DMD: variants seen among roughly 807,000 people sequenced by gnomAD.
DMD encodes the protein dystrophin, also known as mutant dystrophin.
DMD carries 63 observed loss-of-function variants against 330.1 expected under a neutral mutation model. The observed-to-expected ratio is 0.19, with a 90% CI of 0.16 to 0.24. The LOEUF is 0.24. DMD is among the 10% of genes least tolerant of loss of function. The pLI is 1.00. For synonymous variants in DMD, 1,223 were observed against 959.8 expected, an observed-to-expected ratio of 1.27 and a Z score of -5.07; for missense variants, 3,344 against 2,684.1, an observed-to-expected ratio of 1.25 and a Z score of -5.43.
chrX:33,121,088 G>T (rs2095421779), intron 1 of DMD, among the ~76,000 whole-genome samples: 1 of 109,724 alleles, frequency 9.1e-6, no homozygotes, highest in Non-Finnish European at 1.9e-5. Context: ...TTTTATGTTG[G>T]TTAATAAGAT....
intron 4 of DMD, among the ~76,000 whole-genome samples, chrX:32,826,516 C>T (rs1488114249): frequency 9.0e-6 from 1 of 111,372 alleles, no homozygotes; most frequent in Non-Finnish European, 1.9e-5. Flanking sequence ...ACTACTCGGA[C>T]TTAAAAAGCA....
chrX:33,335,985 T>C (rs752704606), intron 1 of DMD, among the ~76,000 whole-genome samples: 8 of 111,326 alleles, frequency 7.2e-5, no homozygotes, highest in Non-Finnish European at 1.3e-4. Context: ...TCAGATAACA[T>C]TGGAGAATCA....
intron 7 of DMD, among the ~76,000 whole-genome samples, chrX:32,783,225 T>A (rs2075008762): frequency 1.0e-5 from 1 of 98,375 alleles, no homozygotes. Flanking sequence ...TATATACGTG[T>A]ATACGTATAT....
intron 15 of DMD, among the ~76,000 whole-genome samples, chrX:32,569,088 T>A (rs975171822): frequency 9.0e-6 from 1 of 111,581 alleles, no homozygotes; most frequent in African/African-American, 3.3e-5. Context: ...TAAACAGACT[T>A]TATTTTTATA....
intron 54 of DMD, among the ~76,000 whole-genome samples, chrX:31,640,341 C>A (rs1352124302): frequency 1.8e-5 from 2 of 112,316 alleles, no homozygotes; most frequent in East Asian, 2.8e-4. Flanking sequence ...CTGGAAGGAG[C>A]AAATCAGCTT....
At chrX:31,631,940 T>C (rs1157597867) in intron 54 of DMD, among the ~76,000 whole-genome samples, 1 of 111,297 alleles carries the variant, frequency 9.0e-6, no homozygotes, top group African/African-American at 3.3e-5. Context: ...GGGCGGAGTG[T>C]TGGAGCTATA....
intron 43 of DMD, among the ~76,000 whole-genome samples, chrX:32,229,594 T>C (rs7064623): frequency 0.086 from 8,467 of 98,483 alleles, 899 homozygotes; most frequent in African/African-American, 0.27. Context: ...TTGATTCTTT[T>C]TTGTAACCAC....
At chrX:32,560,367 A>C (rs192725359) in intron 16 of DMD, among the ~76,000 whole-genome samples, 21 of 111,404 alleles carry the variant, frequency 1.9e-4, no homozygotes, top group Admixed American at 1.2e-3. Context: ...GATTTCAGTC[A>C]AATGAGGAAA....
Position 31,694,643 on chromosome X carries a change from TATATATAC to T in DMD, c.7661-15065_7661-15058del, listed in dbSNP as rs1304452350. ...ATATATATATATATATATATATATA[TATATATAC>T]ACACACATATATGTATAATACTCAA... On this transcript the variant is annotated intron_variant, in intron 52 of 78. Coordinates refer to ENST00000357033, the MANE Select transcript of DMD (RefSeq NM_004006.3). Among the ~76,000 whole-genome samples the T allele has an allele frequency of 4.9e-3, 450 of 91,548 alleles. 6 individuals are homozygous for T. Among genetic ancestry groups the T allele is most frequent in the South Asian group, 0.014 (27 of 1,989 alleles). The allele number at this position is 91,548 out of a possible 115,157, so 79.5% of individuals were successfully genotyped here.
chrX:31,756,214 G>A (rs1055008560), intron 51 of DMD, among the ~76,000 whole-genome samples: 1 of 111,466 alleles, frequency 9.0e-6, no homozygotes, highest in African/African-American at 3.3e-5. Flanking sequence ...TTGGCTCTTC[G>A]ACAAGTTCTC....
At chrX:32,054,086 T>TGAGA (rs1198596173) in intron 44 of DMD, among the ~76,000 whole-genome samples, 20 of 79,007 alleles carry the variant, frequency 2.5e-4, no homozygotes, top group African/African-American at 7.9e-4. Context: ...TGTGTGTGTG[T>TGAGA]GTGAGAGAGA....
intron 12 of DMD, among the ~76,000 whole-genome samples, chrX:32,612,236 T>C (rs925367658): frequency 1.8e-5 from 2 of 111,040 alleles, no homozygotes; most frequent in African/African-American, 6.5e-5. Context: ...AGGATTTCTC[T>C]ATCAACTTTT....
At chrX:31,222,716 GA>G (rs1293265068) in intron 64 of DMD, among the ~76,000 whole-genome samples, 30 of 107,722 alleles carry the variant, frequency 2.8e-4, no homozygotes, top group Non-Finnish European at 4.8e-4. Flanking sequence ...TTTGTAAAAA[GA>G]AAAAAAAACA....
intron 51 of DMD, among the ~76,000 whole-genome samples, chrX:31,765,327 T>G (rs1161427034): frequency 9.0e-6 from 1 of 111,718 alleles, no homozygotes; most frequent in Non-Finnish European, 1.9e-5. Context: ...ACTTTTTTCT[T>G]TTGTGGCCAT....
chrX:31,904,891 T>G (rs901185815), intron 47 of DMD, among the ~76,000 whole-genome samples: 1 of 111,934 alleles, frequency 8.9e-6, no homozygotes, highest in Non-Finnish European at 1.9e-5. Flanking sequence ...TATGCAGCAA[T>G]AGACAACTAA....
In DMD at chrX:33,287,391, C is replaced by T. The variant is rs777668195; in HGVS notation, c.7+51868G>A. On this transcript the variant is annotated intron_variant, in intron 1 of 17. Transcript: ENST00000288447. Reference sequence around the variant, plus strand: ...AATGCTACCACTTCCGCAGTAATTACGATAAAAAAAACTGCAGACATTGTC... The same window carrying T: ...AATGCTACCACTTCCGCAGTAATTATGATAAAAAAAACTGCAGACATTGTC... 4.5e-5 allele frequency among the ~76,000 whole-genome samples: 5 copies of T among 110,052 alleles called. No homozygotes were observed. The South Asian group carries it at 2.0e-3, about 43-fold the overall frequency.
intron 51 of DMD, among the ~76,000 whole-genome samples, chrX:31,734,422 A>G (rs2086725003): frequency 9.0e-6 from 1 of 111,210 alleles, no homozygotes; most frequent in Non-Finnish European, 1.9e-5. Context: ...CAATTACCCC[A>G]TTAATGAACT....
intron 59 of DMD, among the ~76,000 whole-genome samples, chrX:31,455,216 A>G (rs760245988): frequency 9.1e-6 from 1 of 110,126 alleles, no homozygotes; most frequent in African/African-American, 3.3e-5. Flanking sequence ...ACTTTTAAAG[A>G]TAGCCTATTC....
intron 44 of DMD, among the ~76,000 whole-genome samples, chrX:32,141,944 A>T (rs2096755737): frequency 1.8e-5 from 2 of 111,625 alleles, no homozygotes; most frequent in Admixed American, 1.9e-4. Flanking sequence ...ACAAATAGAC[A>T]TTGAGGGCTC....
Sources: gnomAD v4.1 joint callset for allele counts (sites outside exome capture counted in the v4.1 genomes callset) on GRCh38, gnomAD v4.1.1 for gene constraint, MANE v1.5 for transcripts, NCBI Gene and HGNC (gene_info 2026-07-23, HGNC 2026-07-21) for gene names.